Variants in SLC35D1 observed in about 807,000 individuals in gnomAD.
SLC35D1 encodes solute carrier family 35 member D1.
Under a neutral mutation model 46.7 loss-of-function variants are expected in SLC35D1, and 31 were observed. The observed-to-expected ratio is 0.66, with a 90% CI of 0.50 to 0.90. The LOEUF is 0.90. Among genes scored for constraint, SLC35D1 ranks in the 40% least tolerant of loss-of-function variants. The pLI is 0.00. For synonymous variants in SLC35D1, 195 were observed against 164.6 expected, an observed-to-expected ratio of 1.18 and a Z score of -1.41; for missense variants, 397 against 426.2, an observed-to-expected ratio of 0.93 and a Z score of 0.60.
chr1:67,012,435 C>T (rs1161482044), intron 10 of SLC35D1, among the ~76,000 whole-genome samples: 1 of 150,554 alleles, frequency 6.6e-6, no homozygotes, highest in Non-Finnish European at 1.5e-5. Flanking sequence ...TAAAAAATTA[C>T]ATCCTAGGTT....
chr1:66,973,999 CAT>C, the SLC35D1 span, among the ~76,000 whole-genome samples: 1 of 152,092 alleles, frequency 6.6e-6, no homozygotes, highest in East Asian at 1.9e-4. Flanking sequence ...TTTTTTGACA[CAT>C]ATTTAATATT....
At chr1:66,976,495 G>A in the SLC35D1 span, 1 of 1,151,692 alleles carries the variant, frequency 8.7e-7, no homozygotes, top group African/African-American at 1.6e-5. Context: ...TTATATTTCA[G>A]TTAAGGACTA....
At chr1:66,997,609 G>C (rs1232855899), downstream of SLC35D1, among the ~76,000 whole-genome samples, 7 of 140,816 alleles carry the variant, frequency 5.0e-5, no homozygotes, top group Admixed American at 5.0e-4. Context: ...GTATAAAGAT[G>C]TATCTGTATA....
intron 8 of SLC35D1, among the ~76,000 whole-genome samples, chr1:67,037,125 T>C (rs1668139717): frequency 6.6e-6 from 1 of 152,162 alleles, no homozygotes; most frequent in Non-Finnish European, 1.5e-5. Flanking sequence ...ATTGTTTCTC[T>C]TGATATCTTA....
At chr1:67,011,637 C>A (rs1351317433) in intron 10 of SLC35D1, among the ~76,000 whole-genome samples, 4 of 152,110 alleles carry the variant, frequency 2.6e-5, no homozygotes, top group Non-Finnish European at 5.9e-5. Flanking sequence ...TGTGTGCCAC[C>A]ATGCCTGGCT....
At chr1:66,996,002 G>C (rs1667235604), downstream of SLC35D1, among the ~76,000 whole-genome samples, 1 of 152,160 alleles carries the variant, frequency 6.6e-6, no homozygotes, top group African/African-American at 2.4e-5. Flanking sequence ...AGAAAGAAAG[G>C]GGTTTTGAAA....
At chr1:66,987,040 C>A in the SLC35D1 span, 11,679 of 151,642 alleles carry the variant, frequency 0.077, 6 homozygotes, top group African/African-American at 0.16. Flanking sequence ...GTTTTAAATA[C>A]ATTCTCAGGC....
In SLC35D1 at chr1:67,054,065, T is replaced by A; in HGVS notation, c.-52A>T. ...GGCGGGGCCTAGCGGCTCGGGGGCC[T>A]GCAGCGGCAGCTCCCAGGGGACTCC... is the stretch of plus-strand genomic sequence containing the variant. On this transcript the variant is annotated 5_prime_UTR_variant, in exon 1 of 12. Coordinates refer to ENST00000235345, the MANE Select transcript of SLC35D1 (RefSeq NM_015139.3). The A allele has an allele frequency of 6.3e-7, 1 of 1,580,070 alleles. No individual in the cohort carries two copies. Among genetic ancestry groups the A allele is most frequent in the Non-Finnish European group, 8.7e-7 (1 of 1,155,992 alleles).
the SLC35D1 span, chr1:66,976,844 C>A: frequency 1.3e-6 from 1 of 770,492 alleles, no homozygotes; most frequent in South Asian, 2.9e-5. Context: ...ACCAGAAGGC[C>A]GAGAGTGATA....
chr1:67,042,137 T>TA, intron 8 of SLC35D1, 99 bp downstream of exon 8: 1 of 1,163,084 alleles, frequency 8.6e-7, no homozygotes, highest in Non-Finnish European at 1.3e-6. Flanking sequence ...GGTCACTTAA[T>TA]AAGCATATTT....
chr1:66,981,671 TAA>T, the SLC35D1 span: 1 of 795,144 alleles, frequency 1.3e-6, no homozygotes, highest in Non-Finnish European at 2.0e-6. Context: ...GAATGAATGT[TAA>T]GTGAATATTA....
rs1423900466 is a variant in SLC35D1, at chr1:67,000,858, G to T, written c.*3482C>A. On this transcript the variant is annotated 3_prime_UTR_variant, in exon 12 of 12. Transcript: ENST00000235345. ...CTGTGTTGCTATCTCAGAGCTAGAA[G>T]ATTAACTAATATGAGTTACAAAAGT... 1 of 152,318 alleles carries T rather than the reference G, an allele frequency of 6.6e-6. No individual in the cohort carries two copies. Among genetic ancestry groups the T allele is most frequent in the Non-Finnish European group, 1.5e-5 (1 of 68,032 alleles). 9.4% of individuals were successfully genotyped at this position (152,318 alleles called of 1,614,324 possible). A position where few individuals can be genotyped will look rare whatever the true frequency, so the allele number is the denominator to read the frequency against.
At chr1:66,984,583 A>G in the SLC35D1 span, 2 of 1,592,738 alleles carry the variant, frequency 1.3e-6, no homozygotes, top group Non-Finnish European at 1.7e-6. Context: ...AGTGTCATCT[A>G]ATGGACCAGG....
intron 10 of SLC35D1, among the ~76,000 whole-genome samples, chr1:67,018,875 T>C (rs185886672): frequency 5.9e-5 from 9 of 152,326 alleles, no homozygotes; most frequent in African/African-American, 2.2e-4. Flanking sequence ...TTCCCATCTG[T>C]CTGCATGTGC....
chr1:67,051,733 A>T (rs1382552432), intron 4 of SLC35D1, among the ~76,000 whole-genome samples: 1 of 152,184 alleles, frequency 6.6e-6, no homozygotes, highest in Non-Finnish European at 1.5e-5. Context: ...AATAATAAAA[A>T]TTTCCTATCA....
At chr1:66,995,890 A>T (rs112265880), downstream of SLC35D1, among the ~76,000 whole-genome samples, 10 of 152,226 alleles carry the variant, frequency 6.6e-5, no homozygotes, top group African/African-American at 2.4e-4. Context: ...ACCGAAAAAA[A>T]TTATCTGAAG....
At chr1:66,990,332 T>C in the SLC35D1 span, among the ~76,000 whole-genome samples, 2 of 152,188 alleles carry the variant, frequency 1.3e-5, no homozygotes, top group South Asian at 4.1e-4. Context: ...TGGAGTGCAG[T>C]GGTATGATCA....
chr1:67,001,067 C>G lies in SLC35D1; in HGVS notation c.*3273G>C, dbSNP rs998083225. 1 of 152,220 alleles carries G rather than the reference C, an allele frequency of 6.6e-6. No individual in the cohort carries two copies. Among genetic ancestry groups the G allele is most frequent in the Non-Finnish European group, 1.5e-5 (1 of 68,032 alleles). 9.4% of individuals were successfully genotyped at this position (152,220 alleles called of 1,614,324 possible). On this transcript the variant is annotated 3_prime_UTR_variant, in exon 12 of 12. Coordinates refer to ENST00000235345, the MANE Select transcript of SLC35D1 (RefSeq NM_015139.3). ...TTACACACTCCTTGAAAGCAAGAAC[C>G]ATGTCTTGTTTATCTTTTTTCCAGA...
intron 11 of SLC35D1, among the ~76,000 whole-genome samples, chr1:67,005,595 C>T (rs1667431714): frequency 6.6e-6 from 1 of 152,186 alleles, no homozygotes; most frequent in Non-Finnish European, 1.5e-5. Context: ...TTATTAAAGT[C>T]TACTTGTCAA....
Sources: gnomAD v4.1 joint callset for allele counts (sites outside exome capture counted in the v4.1 genomes callset) on GRCh38, gnomAD v4.1.1 for gene constraint, MANE v1.5 for transcripts, NCBI Gene and HGNC (gene_info 2026-07-23, HGNC 2026-07-21) for gene names.